The following AGBL1 variants were observed in gnomAD, a reference collection of about 807,000 sequenced individuals.
The protein encoded by AGBL1 is cytosolic carboxypeptidase 4.
In AGBL1, 130 loss-of-function variants were observed where a neutral mutation model predicts 118.9. That is an observed-to-expected ratio of 1.09 (90% CI 0.95 to 1.26). The LOEUF is 1.26. Ranked by LOEUF, AGBL1 falls within the 50% of genes most tolerant of loss-of-function variation. The pLI, the probability that AGBL1 is intolerant of heterozygous loss-of-function variation, is 0.00. For synonymous variants in AGBL1, 555 were observed against 478.9 expected (o/e 1.16, Z -2.08); for missense variants, 1,584 against 1,298.1 (o/e 1.22, Z -3.38).
At chr15:86,461,423 C>T (rs2082333760) in intron 18 of AGBL1, among the ~76,000 whole-genome samples, 1 of 152,154 alleles carries the variant, frequency 6.6e-6, no homozygotes. Context: ...CACCACTCTT[C>T]CCTGGACCGC....
chr15:86,110,401 C>A (rs1042165977), intron 1 of AGBL1, among the ~76,000 whole-genome samples: 1 of 151,958 alleles, frequency 6.6e-6, no homozygotes, highest in Non-Finnish European at 1.5e-5. Context: ...TTAGAGAAAA[C>A]AAAGTGTTAT....
intron 22 of AGBL1, among the ~76,000 whole-genome samples, chr15:86,885,384 G>A (rs77842594): frequency 6.6e-6 from 1 of 152,266 alleles, no homozygotes; most frequent in South Asian, 2.1e-4. Context: ...CTTGTGAAAA[G>A]ACAAGGTTTT....
chr15:87,027,284 A>G (rs957338106), intron 24 of AGBL1, among the ~76,000 whole-genome samples: 3 of 151,984 alleles, frequency 2.0e-5, no homozygotes, highest in Non-Finnish European at 4.4e-5. Context: ...AAAACAACAG[A>G]TGCTGGCAAG....
At chr15:86,211,476 C>A (rs73445692) in intron 5 of AGBL1, among the ~76,000 whole-genome samples, 2 of 152,308 alleles carry the variant, frequency 1.3e-5, no homozygotes, top group South Asian at 4.1e-4. Flanking sequence ...GGCCTTGCAG[C>A]GCTGCGGTGA....
At chr15:86,801,553 T>G (rs2078650542) in intron 22 of AGBL1, among the ~76,000 whole-genome samples, 1 of 152,144 alleles carries the variant, frequency 6.6e-6, no homozygotes, top group Non-Finnish European at 1.5e-5. Context: ...TGAAGTCTCA[T>G]AAAGGAAGAT....
At chr15:86,657,799 T>A (rs2085484888) in intron 21 of AGBL1, among the ~76,000 whole-genome samples, 1 of 151,834 alleles carries the variant, frequency 6.6e-6, no homozygotes, top group Non-Finnish European at 1.5e-5. Context: ...AATGGGCTAC[T>A]GGCCTGGGGT....
At chr15:86,651,750 C>G (rs1457414830) in intron 21 of AGBL1, among the ~76,000 whole-genome samples, 4 of 152,154 alleles carry the variant, frequency 2.6e-5, no homozygotes, top group Admixed American at 2.0e-4. Context: ...GTGTTGATAT[C>G]TTACTAAACC....
Position 86,143,864 on chromosome 15 carries a change from C to G in AGBL1, c.262+19C>G. 1 of 1,610,582 alleles carries G rather than the reference C, an allele frequency of 6.2e-7. No homozygotes were observed. The highest frequency in any genetic ancestry group is 8.5e-7 in the Non-Finnish European group (1 of 1,178,248). On this transcript the variant is annotated intron_variant, in intron 3 of 22. Transcript: ENST00000614907. Reference sequence around the variant, plus strand: ...CTAAGAGGTACTCGTACTCCAAGACCTAAAGCTGACTGAAAAGGCACTTCT... The same window carrying G: ...CTAAGAGGTACTCGTACTCCAAGACGTAAAGCTGACTGAAAAGGCACTTCT...
At chr15:86,250,876 C>T (rs2078804737) in intron 7 of AGBL1, among the ~76,000 whole-genome samples, 1 of 152,164 alleles carries the variant, frequency 6.6e-6, no homozygotes, top group African/African-American at 2.4e-5. Context: ...AACTTAGGGG[C>T]CTTGGATTTG....
intron 22 of AGBL1, among the ~76,000 whole-genome samples, chr15:86,870,689 T>C (rs1045931757): frequency 2.6e-5 from 4 of 152,038 alleles, no homozygotes; most frequent in African/African-American, 9.7e-5. Context: ...AGGCATCTGA[T>C]GAATAAATGA....
At chr15:86,095,646 CCTTTTTTTTTT>C (rs1213184969) in intron 1 of AGBL1, among the ~76,000 whole-genome samples, 5 of 116,684 alleles carry the variant, frequency 4.3e-5, no homozygotes, top group Non-Finnish European at 7.0e-5. Flanking sequence ...ACCTTGGATA[CCTTTTTTTTTT>C]TTTTTTTTTT....
chr15:86,165,627 A>G (rs2077330397), intron 5 of AGBL1, among the ~76,000 whole-genome samples: 1 of 152,102 alleles, frequency 6.6e-6, no homozygotes, highest in Non-Finnish European at 1.5e-5. Context: ...CCTGGGTTTT[A>G]ATTCCCTCCC....
Position 86,732,730 on chromosome 15 carries a change from G to A in AGBL1, c.3158+58294G>A, listed in dbSNP as rs1307477715. Among the ~76,000 whole-genome samples, 7 of 152,070 alleles carry A rather than the reference G, an allele frequency of 4.6e-5. No homozygotes were observed. In the East Asian group the frequency reaches 1.4e-3, roughly 29 times the overall value. On this transcript the variant is annotated intron_variant, in intron 22 of 22. Transcript: ENST00000614907. ...CTAGACTGTGCCATATATTAGCTGTGTGACTTAGGTAAGCCAGGTATGTAT... is the reference window on the plus strand; with the variant it reads ...CTAGACTGTGCCATATATTAGCTGTATGACTTAGGTAAGCCAGGTATGTAT...
intron 22 of AGBL1, among the ~76,000 whole-genome samples, chr15:86,738,356 G>T (rs551005810): frequency 5.9e-5 from 9 of 151,922 alleles, no homozygotes; most frequent in Non-Finnish European, 1.2e-4. Flanking sequence ...CCTGTTCAAC[G>T]CAGTACTGGA....
intron 2 of AGBL1, among the ~76,000 whole-genome samples, chr15:86,142,633 A>G (rs2076978985): frequency 6.6e-6 from 1 of 152,200 alleles, no homozygotes; most frequent in Non-Finnish European, 1.5e-5. Context: ...CTGAACAGGC[A>G]ATATCAGAAA....
chr15:86,606,126 CAA>C (rs10675845), intron 21 of AGBL1, among the ~76,000 whole-genome samples: 6 of 96,884 alleles, frequency 6.2e-5, no homozygotes, highest in South Asian at 4.6e-4. Flanking sequence ...GACTCCATCT[CAA>C]AAAAAAAAAA....
chr15:86,237,138 C>T lies in AGBL1; in HGVS notation c.527-10533C>T, dbSNP rs914051647. On this transcript the variant is annotated intron_variant, in intron 6 of 22. Transcript: ENST00000614907. Reference sequence around the variant, plus strand: ...CGTTCTGGAGCTACTTTAAAAGAAACAAAAACTTCCCAAGGACCCTCTTTC... The same window carrying T: ...CGTTCTGGAGCTACTTTAAAAGAAATAAAAACTTCCCAAGGACCCTCTTTC... Among the ~76,000 whole-genome samples, 31 of 152,230 alleles carry T rather than the reference C, an allele frequency of 2.0e-4. 1 individual carries two copies. Among genetic ancestry groups the T allele is most frequent in the Middle Eastern group, 3.4e-3 (1 of 294 alleles).
chr15:86,956,259 AGATT>A (rs1387777381), intron 23 of AGBL1, among the ~76,000 whole-genome samples: 47 of 148,718 alleles, frequency 3.2e-4, no homozygotes, highest in African/African-American at 1.0e-3. Context: ...ATAGATAGAT[AGATT>A]AGATAGATGA....
At chr15:86,138,577 T>G (rs967391210) in intron 1 of AGBL1, among the ~76,000 whole-genome samples, 9 of 152,242 alleles carry the variant, frequency 5.9e-5, no homozygotes, top group Admixed American at 4.6e-4. Flanking sequence ...AGTGAATGTT[T>G]GCGAGATGAA....
Sources: allele counts gnomAD v4.1 joint callset (sites outside exome capture counted in the v4.1 genomes callset), GRCh38; gene constraint gnomAD v4.1.1; transcripts MANE v1.5; gene names NCBI Gene and HGNC (gene_info 2026-07-23, HGNC 2026-07-21).